ERC2: variants seen among roughly 807,000 people sequenced by gnomAD.
The protein encoded by ERC2 is ERC protein 2.
Under a neutral mutation model 114.8 loss-of-function variants are expected in ERC2, and 42 were observed. That is an observed-to-expected ratio of 0.37 (90% confidence interval 0.29 to 0.47). ERC2 has a LOEUF of 0.47. Ranked by LOEUF, ERC2 falls within the 20% of genes least tolerant of loss-of-function variation. ERC2 has a pLI of 0.99. For missense variants in ERC2, 939 were observed against 1,150.7 expected (o/e 0.82, Z 2.66); for synonymous variants, 454 against 425.5 (o/e 1.07, Z -0.82).
At chr3:55,835,822 T>G (rs938637463) in intron 14 of ERC2, among the ~76,000 whole-genome samples, 1 of 151,972 alleles carries the variant, frequency 6.6e-6, no homozygotes, top group Non-Finnish European at 1.5e-5. Context: ...TGTCCCTGTT[T>G]GCAGATGACA....
intron 17 of ERC2, among the ~76,000 whole-genome samples, chr3:55,638,882 C>T (rs764787147): frequency 1.7e-4 from 26 of 152,194 alleles, no homozygotes; most frequent in Non-Finnish European, 2.8e-4. Flanking sequence ...CAGCTACAAC[C>T]TTCACAGAAT....
At chr3:55,654,555 T>G (rs1215847005) in intron 17 of ERC2, among the ~76,000 whole-genome samples, 1 of 152,160 alleles carries the variant, frequency 6.6e-6, no homozygotes, top group African/African-American at 2.4e-5. Context: ...GGTTGCAGAG[T>G]TGCCACTGGA....
intron 2 of ERC2, among the ~76,000 whole-genome samples, chr3:56,412,543 T>C (rs920437299): frequency 6.6e-6 from 1 of 152,200 alleles, no homozygotes; most frequent in Non-Finnish European, 1.5e-5. Context: ...GGCTACATAC[T>C]GGGTCTTCGG....
At chr3:55,715,810 T>C (rs1178444833) in intron 15 of ERC2, among the ~76,000 whole-genome samples, 1 of 152,196 alleles carries the variant, frequency 6.6e-6, no homozygotes, top group East Asian at 1.9e-4. Context: ...TATAGGACAT[T>C]TTATTTGAAA....
At chr3:55,820,180 G>C (rs1251399013) in intron 14 of ERC2, among the ~76,000 whole-genome samples, 1 of 152,088 alleles carries the variant, frequency 6.6e-6, no homozygotes, top group East Asian at 1.9e-4. Flanking sequence ...GTGGGGTTAG[G>C]AGTTCCTTCT....
intron 3 of ERC2, among the ~76,000 whole-genome samples, chr3:56,268,514 T>C (rs1194635324): frequency 1.3e-5 from 2 of 152,126 alleles, no homozygotes; most frequent in Non-Finnish European, 2.9e-5. Context: ...CTAAAATACA[T>C]ATTTGTTCTA....
At chr3:55,646,449 G>GA (rs144398284) in intron 17 of ERC2, among the ~76,000 whole-genome samples, 2 of 152,216 alleles carry the variant, frequency 1.3e-5, no homozygotes, top group African/African-American at 2.4e-5. Flanking sequence ...TACTTCCCAA[G>GA]AAAAAATCTG....
intron 14 of ERC2, among the ~76,000 whole-genome samples, chr3:55,819,477 G>A (rs2060035040): frequency 6.6e-6 from 1 of 152,178 alleles, no homozygotes. Flanking sequence ...TAAAACTATG[G>A]TTCATCTCAA....
intron 7 of ERC2, among the ~76,000 whole-genome samples, chr3:56,054,820 TAAC>T (rs778253989): frequency 2.0e-5 from 3 of 152,180 alleles, no homozygotes; most frequent in Non-Finnish European, 2.9e-5. Context: ...ACTGTTGCAG[TAAC>T]AATCAAAAGC....
chr3:55,636,597 T>C (rs9311575), intron 17 of ERC2, among the ~76,000 whole-genome samples: 37,714 of 152,092 alleles, frequency 0.25, 4,839 homozygotes, highest in East Asian at 0.44. Context: ...ATACACTAAA[T>C]CAGGGGTCAG....
chr3:55,974,415 A>G (rs1477709815), intron 12 of ERC2, among the ~76,000 whole-genome samples: 1 of 152,220 alleles, frequency 6.6e-6, no homozygotes, highest in Non-Finnish European at 1.5e-5. Context: ...GTTGTTTTCC[A>G]AAAGGAAAAC....
rs539092676 is a variant in ERC2, at chr3:55,769,350, G to A, written c.2565-34432C>T. Among the ~76,000 whole-genome samples the A allele has an allele frequency of 2.6e-5, 4 of 152,100 alleles. No homozygotes were observed. The East Asian group carries it at 5.8e-4, about 22-fold the overall frequency. ...GATTAAGAGCTCTGGGGCACACCAG[G>A]TTCTTCTCCAGTAGTTTTACATTCT... On this transcript the variant is annotated intron_variant, in intron 14 of 17. Coordinates refer to ENST00000288221, the MANE Select transcript of ERC2 (RefSeq NM_015576.3).
At chr3:56,349,976 G>A (rs981478170) in intron 2 of ERC2, among the ~76,000 whole-genome samples, 6 of 151,610 alleles carry the variant, frequency 4.0e-5, no homozygotes, top group Non-Finnish European at 5.9e-5. Context: ...CCTGGATGAT[G>A]AAATAATATG....
rs1560057069 is a variant in ERC2, at chr3:56,032,965, GAAAGAAAGAAAGAGAA to G, written c.1642-13950_1642-13935del. Among the ~76,000 whole-genome samples, 10 of 82,622 alleles carry G rather than the reference GAAAGAAAGAAAGAGAA, an allele frequency of 1.2e-4. No homozygotes were observed. In the East Asian group the frequency reaches 3.2e-3, roughly 26 times the overall value. 54.2% of individuals were successfully genotyped at this position (82,622 alleles called of 152,430 possible). A position where few individuals can be genotyped will look rare whatever the true frequency, so the allele number is the denominator to read the frequency against. On this transcript the variant is annotated intron_variant, in intron 7 of 17. Coordinates refer to ENST00000288221, the MANE Select transcript of ERC2 (RefSeq NM_015576.3). ...AAAGAAAGAAAGAAAGAAACAGAAA[GAAAGAAAGAAAGAGAA>G]AGAAAGAAAGAAAGAAAGAAAGAAA...
chr3:56,153,322 G>T (rs917406178), intron 4 of ERC2, among the ~76,000 whole-genome samples: 1 of 152,196 alleles, frequency 6.6e-6, no homozygotes, highest in Non-Finnish European at 1.5e-5. Context: ...ACAGATCAGC[G>T]GCACTGACAT....
At chr3:55,770,513 T>A (rs2068114564) in intron 14 of ERC2, among the ~76,000 whole-genome samples, 1 of 152,222 alleles carries the variant, frequency 6.6e-6, no homozygotes, top group Admixed American at 6.5e-5. Flanking sequence ...CCCCCTTTGA[T>A]GGGCAGATGC....
chr3:56,148,281 T>C (rs2081247680), intron 5 of ERC2, among the ~76,000 whole-genome samples: 1 of 152,100 alleles, frequency 6.6e-6, no homozygotes, highest in Non-Finnish European at 1.5e-5. Flanking sequence ...AAAACCAAAA[T>C]AGCTTAATAA....
intron 17 of ERC2, among the ~76,000 whole-genome samples, chr3:55,536,654 A>T (rs2054018087): frequency 2.0e-5 from 3 of 152,264 alleles, no homozygotes. Flanking sequence ...GTTTCGTAGT[A>T]ATAAATCTGA....
intron 4 of ERC2, among the ~76,000 whole-genome samples, chr3:56,168,485 C>A (rs1049856938): frequency 6.6e-6 from 1 of 152,060 alleles, no homozygotes; most frequent in Non-Finnish European, 1.5e-5. Flanking sequence ...CTAGGTAGGC[C>A]CTACAGTCAA....
Sources: allele counts gnomAD v4.1 joint callset (sites outside exome capture counted in the v4.1 genomes callset), GRCh38; gene constraint gnomAD v4.1.1; transcripts MANE v1.5; gene names NCBI Gene and HGNC (gene_info 2026-07-23, HGNC 2026-07-21).